ADGRL3: variants seen among roughly 807,000 people sequenced by gnomAD.
ADGRL3 encodes the protein calcium-independent alpha-latrotoxin receptor 3.
Under a neutral mutation model 153.5 loss-of-function variants are expected in ADGRL3, and 62 were observed. That is an observed-to-expected ratio of 0.40 (90% CI 0.33 to 0.50). ADGRL3 has a LOEUF of 0.50. ADGRL3 is among the 20% of genes least tolerant of loss of function. ADGRL3 has a pLI of 0.47. For missense variants in ADGRL3, 1,641 were observed against 1,859.4 expected, an observed-to-expected ratio of 0.88 and a Z score of 2.16; for synonymous variants, 710 against 672.5, an observed-to-expected ratio of 1.06 and a Z score of -0.86.
chr4:61,389,325 G>T (rs1386545505), intron 2 of ADGRL3, among the ~76,000 whole-genome samples: 6 of 152,314 alleles, frequency 3.9e-5, no homozygotes, highest in Middle Eastern at 3.4e-3. Context: ...TTGAAATCAG[G>T]AATGAGTCGC....
At chr4:61,460,344 T>C (rs1173083840) in intron 2 of ADGRL3, among the ~76,000 whole-genome samples, 1 of 152,102 alleles carries the variant, frequency 6.6e-6, no homozygotes. Context: ...CCAACGTATA[T>C]ACAGTGGAAT....
chr4:61,357,238 G>T (rs1159741360), intron 1 of ADGRL3, among the ~76,000 whole-genome samples: 1 of 151,902 alleles, frequency 6.6e-6, no homozygotes, highest in East Asian at 1.9e-4. Context: ...TATATGTTTT[G>T]ATTCACATAT....
chr4:61,727,986 ATTAT>A (rs961858571), intron 6 of ADGRL3, among the ~76,000 whole-genome samples: 7 of 152,072 alleles, frequency 4.6e-5, no homozygotes, highest in African/African-American at 9.7e-5. Flanking sequence ...ATGTAATTTG[ATTAT>A]TTATTCAGTG....
intron 8 of ADGRL3, among the ~76,000 whole-genome samples, chr4:61,743,902 G>A (rs957301283): frequency 2.6e-5 from 4 of 152,168 alleles, no homozygotes. Flanking sequence ...GCCGAAGCAG[G>A]GCGACGCATT....
chr4:61,425,862 G>T (rs568539042), intron 2 of ADGRL3, among the ~76,000 whole-genome samples: 1 of 152,366 alleles, frequency 6.6e-6, no homozygotes, highest in Non-Finnish European at 1.5e-5. Flanking sequence ...ATGGGCCTTC[G>T]AGAGTCCATG....
intron 9 of ADGRL3, among the ~76,000 whole-genome samples, chr4:61,887,613 G>A (rs143468919): frequency 2.0e-5 from 3 of 152,254 alleles, no homozygotes; most frequent in Admixed American, 6.5e-5. Flanking sequence ...TTGGGAGGCC[G>A]AAGAGGGCAG....
intron 9 of ADGRL3, among the ~76,000 whole-genome samples, chr4:61,850,564 CT>C (rs1437805659): frequency 6.6e-6 from 1 of 152,138 alleles, no homozygotes; most frequent in Non-Finnish European, 1.5e-5. Flanking sequence ...GGCCAAAGAG[CT>C]CAAGACAATG....
At chr4:61,352,744 A>G (rs541547551) in intron 1 of ADGRL3, among the ~76,000 whole-genome samples, 6 of 152,298 alleles carry the variant, frequency 3.9e-5, no homozygotes, top group Non-Finnish European at 5.9e-5. Flanking sequence ...GCTTTATCAC[A>G]ATATTCACTT....
rs796588403 is a variant in ADGRL3, at chr4:61,456,453, C to CTA, written c.-173-40659_-173-40658dup. Reference sequence around the variant, plus strand: ...TCTATATATATAGATATATCTATATCTATATATATAGATATATCTATATCT... The same window carrying CTA: ...TCTATATATATAGATATATCTATATCTATATATATATAGATATATCTATATCT... On this transcript the variant is annotated intron_variant, in intron 2 of 26. Transcript: ENST00000683033. Among the ~76,000 whole-genome samples, 41 of 97,794 alleles carry CTA rather than the reference C, an allele frequency of 4.2e-4. 1 individual carries two copies. Among genetic ancestry groups the CTA allele is most frequent in the African/African-American group, 1.6e-3 (39 of 24,246 alleles). The allele number at this position is 97,794 out of a possible 152,430, so 64.2% of individuals were successfully genotyped here. A position where few individuals can be genotyped will look rare whatever the true frequency, so the allele number is the denominator to read the frequency against.
chr4:61,798,736 G>A (rs1423722465), intron 8 of ADGRL3, among the ~76,000 whole-genome samples: 1 of 151,308 alleles, frequency 6.6e-6, no homozygotes, highest in Non-Finnish European at 1.5e-5. Flanking sequence ...TCCTGCCTTA[G>A]CCTCCCGAGT....
chr4:61,376,861 A>G (rs1020003835), intron 1 of ADGRL3, among the ~76,000 whole-genome samples: 14 of 152,192 alleles, frequency 9.2e-5, no homozygotes, highest in Non-Finnish European at 1.5e-4. Context: ...ATCTTCGGCT[A>G]AACTTGAAGA....
At chr4:61,466,935 A>C (rs55741561) in intron 2 of ADGRL3, among the ~76,000 whole-genome samples, 23,891 of 152,054 alleles carry the variant, frequency 0.16, 2,244 homozygotes, top group Middle Eastern at 0.23. Context: ...TAATGAAAAA[A>C]ATATGCTACA....
At chr4:61,368,193 T>G (rs887993370) in intron 1 of ADGRL3, among the ~76,000 whole-genome samples, 4 of 152,092 alleles carry the variant, frequency 2.6e-5, no homozygotes, top group African/African-American at 9.7e-5. Flanking sequence ...AAGTTGCCTG[T>G]TCACTCTGAT....
intron 1 of ADGRL3, among the ~76,000 whole-genome samples, chr4:61,351,906 A>T (rs556840433): frequency 6.6e-6 from 1 of 152,190 alleles, no homozygotes; most frequent in African/African-American, 2.4e-5. Context: ...GGATCAATTG[A>T]AGTGCAGTAA....
intron 2 of ADGRL3, among the ~76,000 whole-genome samples, chr4:61,444,079 C>T (rs1457008089): frequency 2.0e-5 from 3 of 152,102 alleles, no homozygotes; most frequent in Non-Finnish European, 4.4e-5. Flanking sequence ...GATAAAAAAG[C>T]ACTTCTTGTT....
chr4:61,542,388 C>T (rs928933965), intron 4 of ADGRL3, among the ~76,000 whole-genome samples: 6 of 152,208 alleles, frequency 3.9e-5, no homozygotes, highest in South Asian at 4.1e-4. Flanking sequence ...AGTTCCCCTA[C>T]GTCTAAACAT....
rs532166296 is a variant in ADGRL3 at position 61,882,688 on chromosome 4, C to T, written c.1481-9968C>T. The stretch of plus-strand genomic sequence containing the variant: ...CTGCGCTCCAGCCACATTGCCACCT[C>T]ACTGTGTCTAGACCTTTGCAGATGC... On this transcript the variant is annotated intron_variant, in intron 9 of 26. Transcript: ENST00000683033. Among the ~76,000 whole-genome samples the T allele has an allele frequency of 2.0e-5, 3 of 152,312 alleles. No homozygotes were observed. The East Asian group carries it at 5.8e-4, about 29-fold the overall frequency.
chr4:62,001,207 A>G (rs777433727), intron 21 of ADGRL3, among the ~76,000 whole-genome samples: 3 of 152,200 alleles, frequency 2.0e-5, no homozygotes, highest in Non-Finnish European at 4.4e-5. Context: ...GAGGTTGTGT[A>G]GAGAATGTGA....
At position 61,400,188 on chromosome 4, in the gene ADGRL3, G is replaced by A. The variant is rs148968828; in HGVS notation, c.-174+16999G>A. 1.8e-3 allele frequency among the ~76,000 whole-genome samples: 274 copies of A among 151,814 alleles called. 2 individuals carry two copies. The highest frequency in any genetic ancestry group is 6.4e-3 in the African/African-American group (265 of 41,526). On this transcript the variant is annotated intron_variant, in intron 2 of 26. Transcript: ENST00000683033. ...TGCCTATGTTATTTGCATGGTTAAT[G>A]TATCTAGAAGGGTTAATTTTATATT... is the stretch of plus-strand genomic sequence containing the variant.
Sources: allele counts gnomAD v4.1 joint callset (sites outside exome capture counted in the v4.1 genomes callset), GRCh38; gene constraint gnomAD v4.1.1; transcripts MANE v1.5; gene names NCBI Gene and HGNC (gene_info 2026-07-23, HGNC 2026-07-21).